RB1CC1: variants seen among roughly 807,000 people sequenced by gnomAD.
RB1CC1 encodes RB1-inducible coiled-coil protein 1.
RB1CC1 carries 46 observed loss-of-function variants against 177.5 expected under a neutral mutation model. The observed-to-expected ratio is 0.26, with a 90% confidence interval of 0.20 to 0.33. The LOEUF (loss-of-function observed/expected upper bound fraction) is 0.33, where lower values mean the gene tolerates loss of function less well. Ranked by LOEUF, RB1CC1 falls within the 10% of genes least tolerant of loss-of-function variation. The pLI, the probability that RB1CC1 is intolerant of heterozygous loss-of-function variation, is 1.00. For missense variants in RB1CC1, 1,703 were observed against 1,816.3 expected (o/e 0.94, Z 1.13); for synonymous variants, 666 against 613.6 (o/e 1.09, Z -1.26).
intron 5 of RB1CC1, among the ~76,000 whole-genome samples, chr8:52,679,952 T>A (rs191995433): frequency 1.3e-5 from 2 of 151,670 alleles, no homozygotes; most frequent in Admixed American, 1.3e-4. Flanking sequence ...GTCATCTCCA[T>A]CCCTCTCTTA....
intron 1 of RB1CC1, among the ~76,000 whole-genome samples, chr8:52,696,007 A>C (rs548017060): frequency 2.6e-5 from 4 of 152,236 alleles, no homozygotes; most frequent in Admixed American, 2.6e-4. Flanking sequence ...TGTTCCTTCT[A>C]ACTGTAGAGT....
chr8:52,683,464 A>T, intron 5 of RB1CC1, 85 bp downstream of exon 5: 1 of 1,197,200 alleles, frequency 8.4e-7, no homozygotes, highest in Non-Finnish European at 1.1e-6. Flanking sequence ...CTTTTTGCAT[A>T]CTTCCTATGC....
intron 1 of RB1CC1, among the ~76,000 whole-genome samples, chr8:52,701,965 G>A (rs1321034495): frequency 6.6e-6 from 1 of 151,880 alleles, no homozygotes; most frequent in Admixed American, 6.6e-5. Context: ...CTGCCACCAC[G>A]TCCAGCTCAT....
rs17252237 is a variant in RB1CC1 at position 52,670,626 on chromosome 8, A to C, written c.1003-2435T>G. The stretch of plus-strand genomic sequence containing the variant: ...AAATGTGCTAAATGCAGACACTTCC[A>C]ATTATTAATCGTTAGAAACACAAAT... On this transcript the variant is annotated intron_variant, in intron 7 of 23. Coordinates refer to ENST00000025008, the MANE Select transcript of RB1CC1 (RefSeq NM_014781.5). Among the ~76,000 whole-genome samples, 543 of 152,250 alleles carry C rather than the reference A, an allele frequency of 3.6e-3. 3 individuals carry two copies. Among genetic ancestry groups the C allele is most frequent in the Middle Eastern group, 0.014 (4 of 294 alleles).
At chr8:52,639,834 T>G (rs1306294293) in intron 18 of RB1CC1, among the ~76,000 whole-genome samples, 1 of 152,326 alleles carries the variant, frequency 6.6e-6, no homozygotes, top group East Asian at 1.9e-4. Context: ...TATATCATCA[T>G]AAAACCACAA....
At chr8:52,683,748 CAAAAT>C in intron 4 of RB1CC1, 29 bp from the exon 5 acceptor site, 1 of 1,555,290 alleles carries the variant, frequency 6.4e-7, no homozygotes, top group Non-Finnish European at 8.7e-7. Context: ...GAGAAATAAC[CAAAAT>C]AAAATGTTAT....
At chr8:52,638,865 C>A (rs1013034452) in intron 18 of RB1CC1, among the ~76,000 whole-genome samples, 2 of 152,256 alleles carry the variant, frequency 1.3e-5, no homozygotes, top group East Asian at 1.9e-4. Context: ...TAAAATGCTA[C>A]ATGTAGATTT....
intron 1 of RB1CC1, among the ~76,000 whole-genome samples, chr8:52,698,539 T>A (rs1855666561): frequency 1.3e-5 from 2 of 151,822 alleles, no homozygotes; most frequent in Non-Finnish European, 2.9e-5. Flanking sequence ...GGTCTTGATC[T>A]CCGACCTCGT....
intron 3 of RB1CC1, among the ~76,000 whole-genome samples, chr8:52,684,572 G>A (rs1000302856): frequency 6.6e-6 from 1 of 152,090 alleles, no homozygotes; most frequent in Non-Finnish European, 1.5e-5. Context: ...TTTCTTTCCT[G>A]TCCTGTCAAG....
At chr8:52,685,350 T>C in intron 3 of RB1CC1, 49 bp downstream of exon 3, 1 of 1,334,748 alleles carries the variant, frequency 7.5e-7, no homozygotes, top group Non-Finnish European at 1.1e-6. Context: ...TCTTTAACTT[T>C]CTGCATGCAG....
At chr8:52,686,750 G>A (rs1234612600) in intron 2 of RB1CC1, 103 bp downstream of exon 2, 1 of 318,458 alleles carries the variant, frequency 3.1e-6, no homozygotes, top group African/African-American at 2.2e-5. Flanking sequence ...AGAATTATTA[G>A]AGAAGGAAAA....
chr8:52,681,944 C>T (rs1049399948), intron 5 of RB1CC1, among the ~76,000 whole-genome samples: 2 of 152,158 alleles, frequency 1.3e-5, no homozygotes, highest in Non-Finnish European at 2.9e-5. Flanking sequence ...GTCGGAGCCC[C>T]CACACAGAGT....
At chr8:52,682,709 A>C (rs1403861892) in intron 5 of RB1CC1, among the ~76,000 whole-genome samples, 1 of 151,868 alleles carries the variant, frequency 6.6e-6, no homozygotes, top group African/African-American at 2.4e-5. Flanking sequence ...AAATCAAAAA[A>C]ACAACTCTAA....
intron 22 of RB1CC1, among the ~76,000 whole-genome samples, chr8:52,625,930 G>A (rs1171985254): frequency 6.6e-6 from 1 of 152,060 alleles, no homozygotes; most frequent in African/African-American, 2.4e-5. Context: ...AAATAATTTG[G>A]GAAGATATAC....
At position 52,658,140 on chromosome 8, in the gene RB1CC1, A is replaced by G. The variant is rs1453026127; in HGVS notation, c.1794-16T>C. 1.2e-6 allele frequency: 2 copies of G among 1,603,870 alleles called. No homozygotes were observed. The highest frequency in any genetic ancestry group is 1.3e-5 in the African/African-American group (1 of 74,322). ...TAAGGGAACCCTGAAACAGAATGCA[A>G]TGCAATTAGACTTCTGATTTTTTAA... On this transcript the variant is annotated splice_polypyrimidine_tract_variant and intron_variant, in intron 13 of 23. Coordinates refer to ENST00000025008, the MANE Select transcript of RB1CC1 (RefSeq NM_014781.5).
In RB1CC1 at chr8:52,658,922, A is replaced by C. The variant is rs369393720; in HGVS notation, c.1744T>G (p.Leu582Val). ...CELPDISLKD[L>V]QFLQSFCPSE... ...GGACAAAATGATTGCAGAAACTGTA[A>C]ATCTTTTAATGAAATATCTGGAAGT... Residue 582 changes from leucine (L) to valine (V), a missense_variant, in exon 13 of 24, where the codon TTA becomes GTA. Around this residue, in one of 6 missense-constraint regions of RB1CC1, gnomAD observed 1,169 missense variants for 1,184.7 expected, o/e 0.99. Coordinates refer to ENST00000025008, the MANE Select transcript of RB1CC1 (RefSeq NM_014781.5). The C allele has an allele frequency of 5.0e-6, 8 of 1,589,276 alleles. No homozygotes were observed. The highest frequency in any genetic ancestry group is 6.0e-6 in the Non-Finnish European group (7 of 1,168,788).
chr8:52,712,625 A>G (rs1051686242), intron 1 of RB1CC1, among the ~76,000 whole-genome samples: 2 of 152,228 alleles, frequency 1.3e-5, no homozygotes, highest in African/African-American at 4.8e-5. Context: ...AAAGTTCAAA[A>G]TAGACTAAAT....
At chr8:52,708,510 C>G (rs1310132141) in intron 1 of RB1CC1, among the ~76,000 whole-genome samples, 1 of 151,118 alleles carries the variant, frequency 6.6e-6, no homozygotes, top group Non-Finnish European at 1.5e-5. Flanking sequence ...GAGCGAGACT[C>G]GTCTCAAAAA....
At chr8:52,641,357 C>T (rs1489227920) in intron 18 of RB1CC1, among the ~76,000 whole-genome samples, 6 of 134,310 alleles carry the variant, frequency 4.5e-5, no homozygotes, top group African/African-American at 1.7e-4. Flanking sequence ...ACACTCCACC[C>T]TGGGGGATAA....
Sources: gnomAD v4.1 joint callset for allele counts (sites outside exome capture counted in the v4.1 genomes callset) on GRCh38, gnomAD v4.1.1 for gene constraint, gnomAD v4.1.1 regional missense constraint, MANE v1.5 for transcripts, NCBI Gene and HGNC (gene_info 2026-07-23, HGNC 2026-07-21) for gene names.